The following CRACD variants were observed in gnomAD, a reference collection of about 807,000 sequenced individuals.
The protein encoded by CRACD is capping protein-inhibiting regulator of actin dynamics.
Under a neutral mutation model 106.8 loss-of-function variants are expected in CRACD, and 56 were observed. The ratio of observed to expected loss-of-function variants is 0.52; its 90% confidence interval spans 0.42 to 0.66. The LOEUF is 0.66. CRACD is among the 30% of genes least tolerant of loss of function. The pLI is 0.00. For synonymous variants in CRACD, 754 were observed against 670.8 expected, an observed-to-expected ratio of 1.12 and a Z score of -1.92; for missense variants, 1,730 against 1,623.2, an observed-to-expected ratio of 1.07 and a Z score of -1.13.
intron 1 of CRACD, among the ~76,000 whole-genome samples, chr4:56,161,767 A>ATTTTTTTT (rs35832943): frequency 2.8e-5 from 4 of 141,322 alleles, no homozygotes; most frequent in African/African-American, 7.8e-5. Flanking sequence ...GCCAAAGAGC[A>ATTTTTTTT]TTTTTTTTTT....
In CRACD at chr4:56,132,097, T is replaced by C. The variant is rs571063340; in HGVS notation, c.-335-47187T>C. On this transcript the variant is annotated intron_variant, in intron 1 of 10. Coordinates refer to ENST00000682029, the MANE Select transcript of CRACD (RefSeq NM_001393381.1). Reference sequence around the variant, plus strand: ...GGGCCTTGCTCTGCCTTGGCTAGAGTGCAGTGGTGCAACCACAGCTCCTGT... The same window carrying C: ...GGGCCTTGCTCTGCCTTGGCTAGAGCGCAGTGGTGCAACCACAGCTCCTGT... Among the ~76,000 whole-genome samples, 13 of 152,286 alleles carry C rather than the reference T, an allele frequency of 8.5e-5. No homozygotes were observed. In the South Asian group the frequency reaches 2.7e-3, roughly 32 times the overall value.
At chr4:56,174,692 A>G (rs1211467220) in intron 1 of CRACD, among the ~76,000 whole-genome samples, 1 of 152,206 alleles carries the variant, frequency 6.6e-6, no homozygotes, top group Non-Finnish European at 1.5e-5. Context: ...GTTGATGGAC[A>G]CTTAGGTTAA....
intron 2 of CRACD, among the ~76,000 whole-genome samples, chr4:56,257,213 C>T (rs1384885757): frequency 4.0e-5 from 6 of 151,642 alleles, no homozygotes; most frequent in Non-Finnish European, 8.8e-5. Flanking sequence ...TCCCAAGTAG[C>T]TGGGATTACA....
In CRACD at chr4:56,135,619, G is replaced by A. The variant is rs181496561; in HGVS notation, c.-335-43665G>A. Among the ~76,000 whole-genome samples the A allele has an allele frequency of 1.3e-3, 193 of 152,324 alleles. 1 individual carries two copies. The highest frequency in any genetic ancestry group is 4.5e-3 in the African/African-American group (185 of 41,572). On this transcript the variant is annotated intron_variant, in intron 1 of 10. Coordinates refer to ENST00000682029, the MANE Select transcript of CRACD (RefSeq NM_001393381.1). ...ATCTTTATTTGATGGATGCATGCCAGACTACAAAGACAGACGTCTCATCTT... is the reference window on the plus strand; with the variant it reads ...ATCTTTATTTGATGGATGCATGCCAAACTACAAAGACAGACGTCTCATCTT...
intron 1 of CRACD, among the ~76,000 whole-genome samples, chr4:56,139,331 CTCTT>C (rs1182779011): frequency 6.0e-5 from 9 of 148,902 alleles, no homozygotes; most frequent in Non-Finnish European, 1.2e-4. Context: ...CTCTTCCTCT[CTCTT>C]TCTCTCTCTC....
chr4:56,241,962 A>G (rs1336097879), intron 2 of CRACD, among the ~76,000 whole-genome samples: 1 of 152,196 alleles, frequency 6.6e-6, no homozygotes, highest in South Asian at 2.1e-4. Context: ...CCCTAAAAAT[A>G]TCTCAGAATA....
chr4:56,081,512 A>G (rs1733030017), intron 1 of CRACD, among the ~76,000 whole-genome samples: 1 of 152,244 alleles, frequency 6.6e-6, no homozygotes, highest in Non-Finnish European at 1.5e-5. Context: ...GCAAGACATT[A>G]AAAGTAAAAT....
intron 1 of CRACD, among the ~76,000 whole-genome samples, chr4:56,143,893 G>T (rs1735288119): frequency 6.6e-6 from 1 of 152,188 alleles, no homozygotes; most frequent in Non-Finnish European, 1.5e-5. Flanking sequence ...AGTTTACAGA[G>T]GGATGGAGTT....
At chr4:56,057,880 G>A (rs1732141018) in intron 1 of CRACD, among the ~76,000 whole-genome samples, 1 of 74,702 alleles carries the variant, frequency 1.3e-5, no homozygotes, top group Non-Finnish European at 2.5e-5. Flanking sequence ...GTGCAGTGGC[G>A]CGATCTCGGC....
intron 1 of CRACD, among the ~76,000 whole-genome samples, chr4:56,086,524 G>A (rs115863400): frequency 0.012 from 1,882 of 152,226 alleles, 52 homozygotes; most frequent in African/African-American, 0.042. Context: ...CTTAGCTCAT[G>A]TTGGAATATG....
chr4:56,154,208 G>A (rs1315484934), intron 1 of CRACD, among the ~76,000 whole-genome samples: 3 of 152,180 alleles, frequency 2.0e-5, no homozygotes, highest in Non-Finnish European at 2.9e-5. Context: ...GCGCATGCCT[G>A]TAATCTCAGC....
At chr4:56,228,843 G>A (rs1739457601) in intron 2 of CRACD, among the ~76,000 whole-genome samples, 2 of 152,030 alleles carry the variant, frequency 1.3e-5, no homozygotes, top group Non-Finnish European at 2.9e-5. Flanking sequence ...GAAGAATGAT[G>A]GGCTAAAACC....
At chr4:56,172,194 C>T (rs905213132) in intron 1 of CRACD, among the ~76,000 whole-genome samples, 49 of 152,030 alleles carry the variant, frequency 3.2e-4, no homozygotes, top group African/African-American at 8.7e-4. Context: ...CCACTAAAAC[C>T]GCTTCTTTTG....
intron 1 of CRACD, among the ~76,000 whole-genome samples, chr4:56,111,266 C>T (rs999571423): frequency 2.6e-5 from 4 of 152,062 alleles, no homozygotes; most frequent in East Asian, 1.9e-4. Flanking sequence ...ACTCAAAAAT[C>T]GAGAGTTGCA....
intron 2 of CRACD, among the ~76,000 whole-genome samples, chr4:56,269,824 C>T (rs1392996444): frequency 6.6e-6 from 1 of 152,128 alleles, no homozygotes; most frequent in East Asian, 1.9e-4. Flanking sequence ...GATCCGCCCC[C>T]ATGATCCAGT....
At chr4:56,239,140 A>G (rs1021642703) in intron 2 of CRACD, among the ~76,000 whole-genome samples, 1 of 152,108 alleles carries the variant, frequency 6.6e-6, no homozygotes, top group Non-Finnish European at 1.5e-5. Context: ...TAAAACTACA[A>G]AAATTAGCTG....
At chr4:56,284,997 A>C (rs1743254144) in intron 3 of CRACD, among the ~76,000 whole-genome samples, 1 of 152,174 alleles carries the variant, frequency 6.6e-6, no homozygotes, top group Admixed American at 6.5e-5. Context: ...AAGAGGTTTA[A>C]TTGACTCACG....
chr4:56,145,867 G>C (rs151271656), intron 1 of CRACD, among the ~76,000 whole-genome samples: 2,873 of 152,072 alleles, frequency 0.019, 45 homozygotes, highest in Middle Eastern at 0.048. Flanking sequence ...CAAGTGATCT[G>C]CCCGCCTTGG....
intron 1 of CRACD, among the ~76,000 whole-genome samples, chr4:56,086,267 T>G (rs920038614): frequency 2.6e-5 from 4 of 152,102 alleles, no homozygotes; most frequent in African/African-American, 9.7e-5. Context: ...CGTCCTTCCT[T>G]TCTGTTAGTG....
Sources: allele counts gnomAD v4.1 joint callset (sites outside exome capture counted in the v4.1 genomes callset), GRCh38; gene constraint gnomAD v4.1.1; transcripts MANE v1.5; gene names NCBI Gene and HGNC (gene_info 2026-07-23, HGNC 2026-07-21).